RPGRIP1L: variants seen among roughly 807,000 people sequenced by gnomAD.
RPGRIP1L encodes the protein protein fantom.
RPGRIP1L carries 131 observed loss-of-function variants against 160.4 expected under a neutral mutation model. That is an observed-to-expected ratio of 0.82 (90% confidence interval 0.71 to 0.94). The LOEUF is 0.94. RPGRIP1L is among the 40% of genes least tolerant of loss of function. The pLI is 0.00. For missense variants in RPGRIP1L, 1,522 were observed against 1,535.8 expected (o/e 0.99, Z 0.15); for synonymous variants, 510 against 515.8 (o/e 0.99, Z 0.15).
intron 5 of RPGRIP1L, 87 bp downstream of exon 5, chr16:53,687,776 C>A: frequency 2.4e-6 from 2 of 822,240 alleles, no homozygotes; most frequent in South Asian, 1.4e-5. Flanking sequence ...AAACTGTTTA[C>A]ATATAAATAA....
At position 53,632,369 on chromosome 16, in the gene RPGRIP1L, G is replaced by C. The variant is rs1965573952; in HGVS notation, c.3294+4070C>G. Among the ~76,000 whole-genome samples, 3 of 152,164 alleles carry C rather than the reference G, an allele frequency of 2.0e-5. No homozygotes were observed. The South Asian group carries it at 6.2e-4, about 31-fold the overall frequency. On this transcript the variant is annotated intron_variant, in intron 22 of 26. Coordinates refer to ENST00000647211, the MANE Select transcript of RPGRIP1L (RefSeq NM_015272.5). ...AAAAAGTAGGGATAACTATAGAGTAGGGTTATCTAATTCCTTTCTAACTAG... is the reference window on the plus strand; with the variant it reads ...AAAAAGTAGGGATAACTATAGAGTACGGTTATCTAATTCCTTTCTAACTAG...
At chr16:53,608,113 A>C in intron 25 of RPGRIP1L, 2 of 204,970 alleles carry the variant, frequency 9.8e-6, no homozygotes, top group Non-Finnish European at 1.7e-5. Context: ...TCTACTTCTC[A>C]GTGAGACCAG....
At chr16:53,700,425 GA>G (rs1971301084) in intron 2 of RPGRIP1L, among the ~76,000 whole-genome samples, 1 of 152,210 alleles carries the variant, frequency 6.6e-6, no homozygotes, top group South Asian at 2.1e-4. Flanking sequence ...TATCAGAACA[GA>G]GGGGGGACTG....
rs940098302 is a variant in RPGRIP1L at position 53,628,194 on chromosome 16, T to C, written c.3295-5838A>G. On this transcript the variant is annotated intron_variant, in intron 22 of 26. Coordinates refer to ENST00000647211, the MANE Select transcript of RPGRIP1L (RefSeq NM_015272.5). ...CTGTAGGAGCCACAGTATGTAGAAC[T>C]TGTTACTTTGTAACAAAACAACAGA... The C allele has an allele frequency of 3.3e-5, 5 of 152,076 alleles. No homozygotes were observed. In the South Asian group the frequency reaches 8.3e-4, roughly 25 times the overall value. The allele number at this position is 152,076 out of a possible 1,614,324, so 9.4% of individuals were successfully genotyped here.
chr16:53,620,395 C>A (rs1010744930), intron 23 of RPGRIP1L, among the ~76,000 whole-genome samples: 12 of 151,984 alleles, frequency 7.9e-5, no homozygotes, highest in South Asian at 2.1e-4. Flanking sequence ...AACTAAAAAC[C>A]CAAATCTGAA....
rs763369161 is a variant in RPGRIP1L, at chr16:53,641,353, T to C, written c.2806A>G (p.Ile936Val). 13 of 1,614,018 alleles carry C rather than the reference T, an allele frequency of 8.1e-6. No individual in the cohort carries two copies. In the African/African-American group the frequency reaches 9.3e-5, roughly 12 times the overall value. Residue 936 changes from isoleucine (I) to valine (V), a missense_variant, in exon 18 of 27, where the codon ATT becomes GTT. Coordinates refer to ENST00000647211, the MANE Select transcript of RPGRIP1L (RefSeq NM_015272.5). The stretch of plus-strand genomic sequence containing the variant: ...ACAACTTCTGGCTCTTCGCTGCGAA[T>C]GAAATTTCCTAAGTCTTCAGTTGTT... ...SITTEDLGNFIRSEEPEVVQR... is the reference protein window; with the variant it reads ...SITTEDLGNFVRSEEPEVVQR...
At chr16:53,614,461 A>C (rs1964233190) in intron 24 of RPGRIP1L, among the ~76,000 whole-genome samples, 1 of 152,124 alleles carries the variant, frequency 6.6e-6, no homozygotes, top group Non-Finnish European at 1.5e-5. Context: ...TTTCCAGTTG[A>C]TATTGCTGCT....
chr16:53,655,265 A>G (rs1469978315), intron 14 of RPGRIP1L, among the ~76,000 whole-genome samples: 1 of 152,228 alleles, frequency 6.6e-6, no homozygotes, highest in Non-Finnish European at 1.5e-5. Flanking sequence ...TTTGGAAAAT[A>G]TAACTTAAAA....
chr16:53,637,773 A>G lies in RPGRIP1L; in HGVS notation c.3142T>C (p.Ser1048Pro), dbSNP rs1965930595. 6.2e-7 allele frequency: 1 copy of G among 1,613,218 alleles called. No individual in the cohort carries two copies. Residue 1048 changes from serine to proline, a missense_variant, in exon 21 of 27, where the codon TCT (serine) becomes CCT (proline). Ser to Pro is a moderately conservative substitution (Grantham distance 74, BLOSUM62 -1). Transcript: ENST00000647211. ...QQGKDDVSLLSEGQLAEQSLA... is the reference protein window; with the variant it reads ...QQGKDDVSLLPEGQLAEQSLA... ...CTTTGTTCTGCAAGCTGACCTTCAGATAGTAAAGACACATCATCTTTTCCT... is the reference window on the plus strand; with the variant it reads ...CTTTGTTCTGCAAGCTGACCTTCAGGTAGTAAAGACACATCATCTTTTCCT...
At chr16:53,676,254 A>C (rs1969153625) in intron 6 of RPGRIP1L, among the ~76,000 whole-genome samples, 1 of 152,100 alleles carries the variant, frequency 6.6e-6, no homozygotes, top group Non-Finnish European at 1.5e-5. Context: ...ATGAATCCAA[A>C]TTTTGCCCAG....
Position 53,599,532 on chromosome 16 carries a change from A to T in RPGRIP1L, c.*2544T>A, listed in dbSNP as rs758855879. 1 of 152,224 alleles carries T rather than the reference A, an allele frequency of 6.6e-6. No homozygotes were observed. The highest frequency in any genetic ancestry group is 1.5e-5 in the Non-Finnish European group (1 of 68,040). 9.4% of individuals were successfully genotyped at this position (152,224 alleles called of 1,614,324 possible). On this transcript the variant is annotated 3_prime_UTR_variant, in exon 27 of 27. Transcript: ENST00000647211. Reference sequence around the variant, plus strand: ...CTATTTGTATTTCCAAACTAAAAGCATTACAGCCCAAAAAAGTGCTGCGTG... The same window carrying T: ...CTATTTGTATTTCCAAACTAAAAGCTTTACAGCCCAAAAAAGTGCTGCGTG...
At chr16:53,668,846 C>T (rs1968489317) in intron 9 of RPGRIP1L, among the ~76,000 whole-genome samples, 1 of 152,070 alleles carries the variant, frequency 6.6e-6, no homozygotes, top group Non-Finnish European at 1.5e-5. Flanking sequence ...GGCAGTGTAT[C>T]AAAAGTGTTT....
Position 53,664,909 on chromosome 16 carries a change from C to T in RPGRIP1L, c.1204G>A (p.Asp402Asn). ...AATCTGTCAAGGATTTCAGTTTTGT[C>T]TGTTAAGTCAGACTTCAAGGCAGTC... is the stretch of plus-strand genomic sequence containing the variant. ...LETALKSDLTDKTEILDRLKT... is the reference protein window; with the variant it reads ...LETALKSDLTNKTEILDRLKT... The change falls in exon 10 of 27, where the codon GAC becomes AAC. Residue 402 changes from aspartate to asparagine, a missense_variant. Asp to Asn is a conservative substitution (Grantham distance 23). Transcript: ENST00000647211. 2 of 1,612,692 alleles carry T rather than the reference C, an allele frequency of 1.2e-6. No individual in the cohort carries two copies. The highest frequency in any genetic ancestry group is 1.7e-6 in the Non-Finnish European group (2 of 1,179,914).
chr16:53,641,282 CACTAAA>C lies in RPGRIP1L; in HGVS notation c.2871_2874+2del. 6.2e-7 allele frequency: 1 copy of C among 1,613,310 alleles called. No individual in the cohort carries two copies. Among genetic ancestry groups the C allele is most frequent in the South Asian group, 1.1e-5 (1 of 90,968 alleles). On this transcript the variant is annotated splice_donor_variant and coding_sequence_variant, in exon 18 of 27. Transcript: ENST00000647211. LOFTEE classifies it high-confidence loss of function. The stretch of plus-strand genomic sequence containing the variant: ...AAAAAAATTAAAAGTCACTGATACT[CACTAAA>C]ACTAGTGTGCTAACAGAGGATGCTG...
chr16:53,669,138 C>T (rs1968511174), intron 9 of RPGRIP1L, among the ~76,000 whole-genome samples: 1 of 152,050 alleles, frequency 6.6e-6, no homozygotes, highest in Non-Finnish European at 1.5e-5. Flanking sequence ...TAACGAATAA[C>T]AGTGTCATGA....
At chr16:53,613,533 T>G (rs1964182743) in intron 24 of RPGRIP1L, among the ~76,000 whole-genome samples, 1 of 152,150 alleles carries the variant, frequency 6.6e-6, no homozygotes, top group South Asian at 2.1e-4. Context: ...CCCAGGCTGA[T>G]CTTGAACTCC....
chr16:53,656,353 A>G, intron 14 of RPGRIP1L, 119 bp downstream of exon 14: 1 of 801,246 alleles, frequency 1.2e-6, no homozygotes, highest in South Asian at 1.4e-5. Context: ...TGAGCTAGCT[A>G]TGAATTAGGC....
intron 9 of RPGRIP1L, among the ~76,000 whole-genome samples, chr16:53,665,658 C>T (rs1434152810): frequency 1.3e-5 from 2 of 152,094 alleles, no homozygotes; most frequent in Non-Finnish European, 2.9e-5. Context: ...AATTACTATT[C>T]CTCAATAAAA....
chr16:53,673,810 C>T (rs1211773845), intron 7 of RPGRIP1L, among the ~76,000 whole-genome samples: 1 of 152,094 alleles, frequency 6.6e-6, no homozygotes, highest in East Asian at 1.9e-4. Flanking sequence ...AGGCTCCACA[C>T]TTCACTGAGG....
Sources: allele counts gnomAD v4.1 joint callset (sites outside exome capture counted in the v4.1 genomes callset), GRCh38; gene constraint gnomAD v4.1.1; transcripts MANE v1.5; gene names NCBI Gene and HGNC (gene_info 2026-07-23, HGNC 2026-07-21).